The following PHLDB2 variants were observed in gnomAD, a reference collection of about 807,000 sequenced individuals.
The protein encoded by PHLDB2 is pleckstrin homology-like domain family B member 2.
A neutral mutation model predicts 123.6 loss-of-function variants in PHLDB2; 71 were observed. The ratio of observed to expected loss-of-function variants is 0.57; its 90% CI spans 0.47 to 0.70. The LOEUF (loss-of-function observed/expected upper bound fraction) is 0.70. Among genes scored for constraint, PHLDB2 ranks in the 30% least tolerant of loss-of-function variants. The pLI is 0.00. For synonymous variants in PHLDB2, 547 were observed against 541.6 expected (o/e 1.01, Z -0.14); for missense variants, 1,446 against 1,519.5 (o/e 0.95, Z 0.80).
At chr3:111,780,321 G>GGAAGAAGAAGAAGAAGAAGAAGAA (rs776116547) in intron 1 of PHLDB2, among the ~76,000 whole-genome samples, 1 of 3,686 alleles carries the variant, frequency 2.7e-4, no homozygotes, top group African/African-American at 5.1e-4. Context: ...AAGAGGAAGA[G>GGAAGAAGAAGAAGAAGAAGAAGAA]GAAGAAGAAG....
intron 1 of PHLDB2, among the ~76,000 whole-genome samples, chr3:111,795,373 C>T (rs2061108777): frequency 6.6e-6 from 1 of 152,076 alleles, no homozygotes; most frequent in South Asian, 2.1e-4. Context: ...TTGTCCAAGA[C>T]CTATGGTCCA....
intron 1 of PHLDB2, among the ~76,000 whole-genome samples, chr3:111,773,797 T>A (rs1326781668): frequency 6.6e-6 from 1 of 152,230 alleles, no homozygotes; most frequent in Non-Finnish European, 1.5e-5. Context: ...AACATAGGTT[T>A]AATATGAGGC....
At chr3:111,760,474 A>C (rs566912432) in intron 1 of PHLDB2, among the ~76,000 whole-genome samples, 140 of 152,348 alleles carry the variant, frequency 9.2e-4, no homozygotes, top group South Asian at 6.4e-3. Context: ...ACTATTTTTC[A>C]ATTAGGAAAA....
chr3:111,835,508 G>C (rs906787842), intron 1 of PHLDB2, among the ~76,000 whole-genome samples: 1 of 152,144 alleles, frequency 6.6e-6, no homozygotes, highest in South Asian at 2.1e-4. Flanking sequence ...TCTGTCAATA[G>C]CTGGTGAAAA....
At chr3:111,954,119 T>C (rs549369781) in intron 12 of PHLDB2, 90 bp downstream of exon 12, 1 of 1,186,910 alleles carries the variant, frequency 8.4e-7, no homozygotes, top group Non-Finnish European at 1.2e-6. Flanking sequence ...TAGGGATGAT[T>C]AGAGGAGGGA....
chr3:111,843,872 C>G (rs2063809824), intron 1 of PHLDB2, among the ~76,000 whole-genome samples: 1 of 152,058 alleles, frequency 6.6e-6, no homozygotes, highest in Admixed American at 6.5e-5. Context: ...GTTTATATTT[C>G]AACAGTTATC....
At position 111,822,317 on chromosome 3, in the gene PHLDB2, G is replaced by GTGTGTGTGTGTGTGTGTGTGTGTGTATA. The variant is rs1553734228; in HGVS notation, c.-48-23503_-48-23502insGTGTGTGTGTGTGTGTGTGTGTGTATAT. ...TGTATGTGTGTGTGTGTGTGTGTGT[G>GTGTGTGTGTGTGTGTGTGTGTGTGTATA]TATATATATATATATAATGGTACAC... is the stretch of plus-strand genomic sequence containing the variant. On this transcript the variant is annotated intron_variant, in intron 1 of 17. Coordinates refer to the PHLDB2 transcript ENST00000393923. 1.5e-3 allele frequency among the ~76,000 whole-genome samples: 222 copies of GTGTGTGTGTGTGTGTGTGTGTGTGTATA among 147,870 alleles called. 1 individual carries two copies. Among genetic ancestry groups the GTGTGTGTGTGTGTGTGTGTGTGTGTATA allele is most frequent in the African/African-American group, 5.4e-3 (212 of 39,388 alleles).
chr3:111,857,373 C>A (rs943214539), upstream of PHLDB2, among the ~76,000 whole-genome samples: 1 of 150,680 alleles, frequency 6.6e-6, no homozygotes, highest in Non-Finnish European at 1.5e-5. Context: ...ATCACTTGAG[C>A]CCAGGAGGTT....
chr3:111,791,287 G>A (rs1275632841), intron 1 of PHLDB2, among the ~76,000 whole-genome samples: 1 of 152,178 alleles, frequency 6.6e-6, no homozygotes, highest in African/African-American at 2.4e-5. Context: ...GGACCCCTGT[G>A]AGCAGATGCA....
intron 11 of PHLDB2, among the ~76,000 whole-genome samples, chr3:111,953,497 G>C (rs1276388048): frequency 6.6e-6 from 1 of 152,180 alleles, no homozygotes; most frequent in Non-Finnish European, 1.5e-5. Context: ...GGTGTTAATA[G>C]ATTTCTTCAG....
At chr3:111,860,700 C>T (rs2064791335) in intron 1 of PHLDB2, among the ~76,000 whole-genome samples, 1 of 152,178 alleles carries the variant, frequency 6.6e-6, no homozygotes, top group Non-Finnish European at 1.5e-5. Context: ...GCAGCTTTTT[C>T]TCTCGGTAAA....
chr3:111,838,903 T>C (rs2063540279), intron 1 of PHLDB2, among the ~76,000 whole-genome samples: 1 of 152,220 alleles, frequency 6.6e-6, no homozygotes, highest in Non-Finnish European at 1.5e-5. Context: ...ATTTTTTTCT[T>C]GTGAACATTC....
At chr3:111,957,304 A>G (rs2071119452) in intron 12 of PHLDB2, 1 of 152,666 alleles carries the variant, frequency 6.6e-6, no homozygotes. Context: ...TTGAAAGGTC[A>G]TTGTCAAGTC....
rs955267822 is a variant in PHLDB2 at position 111,803,618 on chromosome 3, TGGGAGGAAATCATGG to T, written c.-48-42201_-48-42187del. Among the ~76,000 whole-genome samples, 5 of 152,124 alleles carry T rather than the reference TGGGAGGAAATCATGG, an allele frequency of 3.3e-5. No homozygotes were observed. In the East Asian group the frequency reaches 5.8e-4, roughly 18 times the overall value. On this transcript the variant is annotated intron_variant, in intron 1 of 17. Coordinates refer to the PHLDB2 transcript ENST00000393923. ...CAGCAATCCCTGGCTAGCACATGAG[TGGGAGGAAATCATGG>T]GCTTTGAAATCAAACAAACTCAGGT...
chr3:111,950,893 A>G lies in PHLDB2; in HGVS notation c.2632-1679A>G, dbSNP rs546730585. On this transcript the variant is annotated intron_variant, in intron 10 of 17. Coordinates refer to ENST00000431670, the MANE Select transcript of PHLDB2 (RefSeq NM_001134438.2). ...AAGGAAGAAACAAGGAGAATGGAAG[A>G]CCTAAATGCCTTCAATTTTGATGTT... Among the ~76,000 whole-genome samples, 9 of 152,338 alleles carry G rather than the reference A, an allele frequency of 5.9e-5. No individual in the cohort carries two copies. The East Asian group carries it at 1.7e-3, about 29-fold the overall frequency.
rs1189916985 is a variant in PHLDB2, at chr3:111,966,691, G to A, written c.3156G>A (p.Leu1052=). 2 of 1,612,864 alleles carry A rather than the reference G, an allele frequency of 1.2e-6. No individual in the cohort carries two copies. Among genetic ancestry groups the A allele is most frequent in the Admixed American group, 3.3e-5 (2 of 59,864 alleles). ...LKQAHAEKTR[L]LESREREMEA... The stretch of plus-strand genomic sequence containing the variant: ...AGGCTCATGCAGAAAAGACGCGGCT[G>A]CTCGAATCCAGGGTAAGCTTCATAT... Residue 1052 remains leucine (L), a synonymous_variant, in exon 14 of 18, where the codon CTG becomes CTA. Coordinates refer to ENST00000431670, the MANE Select transcript of PHLDB2 (RefSeq NM_001134438.2).
intron 1 of PHLDB2, among the ~76,000 whole-genome samples, chr3:111,883,116 CT>C (rs1429006035): frequency 6.6e-6 from 1 of 152,180 alleles, no homozygotes; most frequent in Non-Finnish European, 1.5e-5. Context: ...TGCTGATAAT[CT>C]AAGAAAATTT....
At chr3:111,758,865 T>A (rs1003658488) in intron 1 of PHLDB2, among the ~76,000 whole-genome samples, 1 of 152,200 alleles carries the variant, frequency 6.6e-6, no homozygotes, top group Admixed American at 6.5e-5. Flanking sequence ...TCAACCACGA[T>A]AAACTCATGA....
In PHLDB2 at chr3:111,932,418, C is replaced by T. The variant is rs749004011; in HGVS notation, c.2130+21C>T. On this transcript the variant is annotated intron_variant, in intron 6 of 17. Coordinates refer to ENST00000431670, the MANE Select transcript of PHLDB2 (RefSeq NM_001134438.2). ...AGAGGGTCAGTAGCAAACAGGAATGCACCAGTTATTTTGCTTTTCGTTTTT... is the reference window on the plus strand; with the variant it reads ...AGAGGGTCAGTAGCAAACAGGAATGTACCAGTTATTTTGCTTTTCGTTTTT... The T allele has an allele frequency of 1.6e-5, 24 of 1,532,118 alleles. No homozygotes were observed. In the East Asian group the frequency reaches 5.4e-4, roughly 35 times the overall value. The allele number at this position is 1,532,118 out of a possible 1,614,324, so 94.9% of individuals were successfully genotyped here. A position where few individuals can be genotyped will look rare whatever the true frequency, so the allele number is the denominator to read the frequency against.
Sources: allele counts gnomAD v4.1 joint callset (sites outside exome capture counted in the v4.1 genomes callset), GRCh38; gene constraint gnomAD v4.1.1; transcripts MANE v1.5; gene names NCBI Gene and HGNC (gene_info 2026-07-23, HGNC 2026-07-21).